Variants in NDUFC2 observed in about 807,000 individuals in gnomAD.
The protein encoded by NDUFC2 is NADH dehydrogenase [ubiquinone] 1 subunit C2.
NDUFC2 carries 2 observed loss-of-function variants against 10.1 expected under a neutral mutation model. The ratio of observed to expected loss-of-function variants is 0.20; its 90% confidence interval spans 0.08 to 0.62. The LOEUF is 0.62. NDUFC2 is among the 20% of genes least tolerant of loss of function. NDUFC2 has a pLI of 0.87. For synonymous variants in NDUFC2, 61 were observed against 63.6 expected, an observed-to-expected ratio of 0.96 and a Z score of 0.20; for missense variants, 156 against 159.6, an observed-to-expected ratio of 0.98 and a Z score of 0.12.
rs747533168 is a variant in NDUFC2 at position 78,079,613 on chromosome 11, A to G, written c.132T>C (p.Asp44=). The G allele has an allele frequency of 1.3e-6, 2 of 1,564,414 alleles. No individual in the cohort carries two copies. The highest frequency in any genetic ancestry group is 2.4e-5 in the East Asian group (1 of 42,192). ...GFLGYCSGLI[D]NLIRRRPIAT... is the part of the protein sequence containing the mutation. ...CGATCGGCCTCCGCCGGATTAGGTT[A>G]TCAATCAGGCCGGAGCAGTAGCCCA... The change falls in exon 1 of 3, where the codon GAT becomes GAC. Residue 44 remains aspartate, a synonymous_variant. Transcript: ENST00000281031.
In NDUFC2 at chr11:78,079,627, A is replaced by G. The variant is rs1859429448; in HGVS notation, c.118T>C (p.Ser40Pro). ...LLYIGFLGYC[S>P]GLIDNLIRRR... ...CGGATTAGGTTATCAATCAGGCCGG[A>G]GCAGTAGCCCAAGAAGCCGATGTAG... The change falls in exon 1 of 3, where the codon TCC (serine) becomes CCC (proline). Residue 40 changes from serine (S) to proline (P), a missense_variant. Transcript: ENST00000281031. The G allele has an allele frequency of 1.3e-6, 2 of 1,575,454 alleles. No homozygotes were observed. Among genetic ancestry groups the G allele is most frequent in the African/African-American group, 1.4e-5 (1 of 74,046 alleles).
Position 78,069,681 on chromosome 11 carries a change from A to G in NDUFC2, c.*306T>C. The G allele has an allele frequency of 1.7e-6, 1 of 592,932 alleles. No homozygotes were observed. The highest frequency in any genetic ancestry group is 2.9e-6 in the Non-Finnish European group (1 of 343,294). 36.7% of individuals were successfully genotyped at this position (592,932 alleles called of 1,614,324 possible). On this transcript the variant is annotated 3_prime_UTR_variant, in exon 3 of 3. Transcript: ENST00000281031. ...GTCGCCATAAACAACATGTAAACAA[A>G]TGAGCATGGCTGTGTTCCAATGAGA...
chr11:78,071,944 T>G (rs1169521416), intron 2 of NDUFC2, among the ~76,000 whole-genome samples: 1 of 152,200 alleles, frequency 6.6e-6, no homozygotes, highest in Non-Finnish European at 1.5e-5. Flanking sequence ...ATATCCACTA[T>G]TATGCATAAG....
At chr11:78,073,501 TTAAAAAAATAAAAA>T (rs988025109) in intron 1 of NDUFC2, among the ~76,000 whole-genome samples, 3 of 142,058 alleles carry the variant, frequency 2.1e-5, no homozygotes, top group African/African-American at 7.9e-5. Flanking sequence ...ATGGCATTTC[TTAAAAAAATAAAAA>T]TAAAAAAAGC....
intron 1 of NDUFC2, among the ~76,000 whole-genome samples, chr11:78,077,438 C>T (rs978689310): frequency 2.0e-5 from 3 of 152,194 alleles, no homozygotes; most frequent in Non-Finnish European, 4.4e-5. Context: ...ATTCTCACAA[C>T]AAATATGCAA....
intron 1 of NDUFC2, among the ~76,000 whole-genome samples, chr11:78,077,759 T>C (rs1859313708): frequency 6.6e-6 from 1 of 152,200 alleles, no homozygotes; most frequent in African/African-American, 2.4e-5. Context: ...GGTCTCACTA[T>C]GTTGCCCAGG....
chr11:78,079,532 C>G, intron 1 of NDUFC2, 47 bp downstream of exon 1: 4 of 1,542,240 alleles, frequency 2.6e-6, no homozygotes, highest in Non-Finnish European at 3.5e-6. Context: ...GTCTGCAGCC[C>G]TACGACCCCT....
chr11:78,079,640 G>T lies in NDUFC2; in HGVS notation c.105C>A (p.Phe35Leu), dbSNP rs199587606. ...LTDPRLLYIG[F>L]LGYCSGLIDN... Reference sequence around the variant, plus strand: ...CAATCAGGCCGGAGCAGTAGCCCAAGAAGCCGATGTAGAGGAGCCGCGGGT... The same window carrying T: ...CAATCAGGCCGGAGCAGTAGCCCAATAAGCCGATGTAGAGGAGCCGCGGGT... Residue 35 changes from phenylalanine (F) to leucine (L), a missense_variant, in exon 1 of 3, where the codon TTC (phenylalanine) becomes TTA (leucine). Phe to Leu is a conservative substitution (Grantham distance 22). Transcript: ENST00000281031. 405 of 1,588,966 alleles carry T rather than the reference G, an allele frequency of 2.5e-4. 1 individual carries two copies. Among genetic ancestry groups the T allele is most frequent in the Non-Finnish European group, 3.3e-4 (384 of 1,168,242 alleles).
intron 1 of NDUFC2, among the ~76,000 whole-genome samples, chr11:78,073,929 T>A (rs952439192): frequency 6.6e-6 from 1 of 150,984 alleles, no homozygotes; most frequent in Non-Finnish European, 1.5e-5. Context: ...TGGCGTGCAG[T>A]GGCACAATCA....
rs73494942 is a variant in NDUFC2 at position 78,076,917 on chromosome 11, C to T, written c.166+2662G>A. Among the ~76,000 whole-genome samples, 1,050 of 152,270 alleles carry T rather than the reference C, an allele frequency of 6.9e-3. 7 individuals carry two copies. The highest frequency in any genetic ancestry group is 0.024 in the African/African-American group (1,013 of 41,548). ...CACCTCTATCAAAACATGTATCTAT[C>T]ATACCAAGATCAGCAACAGGCTGTT... On this transcript the variant is annotated intron_variant, in intron 1 of 2. Transcript: ENST00000281031.
In NDUFC2 at chr11:78,079,802, C is replaced by G; in HGVS notation, c.-58G>C. The G allele has an allele frequency of 6.5e-7, 1 of 1,546,752 alleles. No individual in the cohort carries two copies. The highest frequency in any genetic ancestry group is 1.7e-4 in the Middle Eastern group (1 of 5,860). ...AGACCACGAACTACAAGGAAAACCACGACGACCACTACCCCGGCCTAAGCG... is the reference window on the plus strand; with the variant it reads ...AGACCACGAACTACAAGGAAAACCAGGACGACCACTACCCCGGCCTAAGCG... On this transcript the variant is annotated 5_prime_UTR_variant, in exon 1 of 3. Transcript: ENST00000281031.
At position 78,072,263 on chromosome 11, in the gene NDUFC2, C is replaced by T. The variant is rs1234157104; in HGVS notation, c.310+735G>A. ...CGCGATCTCAGCTCACTGCAACCTC[C>T]GCCTCCCAGGTTCAAGCGATTCTCC... On this transcript the variant is annotated intron_variant, in intron 2 of 2. Coordinates refer to ENST00000281031, the MANE Select transcript of NDUFC2 (RefSeq NM_004549.6). 2.6e-5 allele frequency among the ~76,000 whole-genome samples: 4 copies of T among 152,092 alleles called. No homozygotes were observed. The East Asian group carries it at 7.7e-4, about 29-fold the overall frequency.
At chr11:78,074,736 T>C (rs772287902) in intron 1 of NDUFC2, among the ~76,000 whole-genome samples, 3 of 152,204 alleles carry the variant, frequency 2.0e-5, no homozygotes, top group Non-Finnish European at 4.4e-5. Context: ...AATATTCCTA[T>C]GTTCTAGAAC....
At chr11:78,078,743 T>TTTTTTTTTTTTTTTA (rs1859362696) in intron 1 of NDUFC2, among the ~76,000 whole-genome samples, 1 of 142,912 alleles carries the variant, frequency 7.0e-6, no homozygotes, top group African/African-American at 2.6e-5. Flanking sequence ...TTTTTTTTTT[T>TTTTTTTTTTTTTTTA]GAGACAGGGT....
intron 2 of NDUFC2, 149 bp from the exon 3 acceptor site, chr11:78,070,185 A>AT: frequency 1.5e-6 from 1 of 655,698 alleles, no homozygotes. Flanking sequence ...ATAAATTGAA[A>AT]TGTAACCCCC....
At chr11:78,073,489 T>C (rs1859107027) in intron 1 of NDUFC2, among the ~76,000 whole-genome samples, 1 of 144,532 alleles carries the variant, frequency 6.9e-6, no homozygotes, top group African/African-American at 2.6e-5. Flanking sequence ...GCCTGGCCTG[T>C]TATGGCATTT....
At chr11:78,079,542 T>C (rs2136848694) in intron 1 of NDUFC2, 37 bp downstream of exon 1, 5 of 1,544,926 alleles carry the variant, frequency 3.2e-6, no homozygotes, top group Non-Finnish European at 3.5e-6. Flanking sequence ...CTACGACCCC[T>C]TCTCCTCCCA....
At chr11:78,076,320 T>G (rs1346750100) in intron 1 of NDUFC2, among the ~76,000 whole-genome samples, 1 of 152,152 alleles carries the variant, frequency 6.6e-6, no homozygotes, top group African/African-American at 2.4e-5. Context: ...TTTTGTATTT[T>G]TAGTAAAGAC....
At chr11:78,076,724 T>C (rs1859265447) in intron 1 of NDUFC2, among the ~76,000 whole-genome samples, 2 of 152,278 alleles carry the variant, frequency 1.3e-5, no homozygotes, top group East Asian at 1.9e-4. Flanking sequence ...CCAAAGCATA[T>C]GCTCTTAACT....
Sources: gnomAD v4.1 joint callset for allele counts (sites outside exome capture counted in the v4.1 genomes callset) on GRCh38, gnomAD v4.1.1 for gene constraint, MANE v1.5 for transcripts, NCBI Gene and HGNC (gene_info 2026-07-23, HGNC 2026-07-21) for gene names.